MIB1: variants seen among roughly 807,000 people sequenced by gnomAD.
MIB1 encodes the protein E3 ubiquitin-protein ligase MIB1.
In MIB1, 278 loss-of-function variants were observed where a neutral mutation model predicts 124.5. The ratio of observed to expected loss-of-function variants is 2.23; its 90% CI spans 2.02 to 2.47. The LOEUF is 2.47. MIB1 is among the 30% of genes most tolerant of loss of function. MIB1 has a pLI of 0.00. For synonymous variants in MIB1, 446 were observed against 429.4 expected (o/e 1.04, Z -0.48); for missense variants, 957 against 1,254.4 (o/e 0.76, Z 3.58).
intron 12 of MIB1, 100 bp downstream of exon 12, chr18:21,819,746 A>G: frequency 1.2e-6 from 1 of 829,576 alleles, no homozygotes; most frequent in Non-Finnish European, 1.7e-6. Context: ...TGGCTATTTT[A>G]GTATTTTAAA....
intron 3 of MIB1, among the ~76,000 whole-genome samples, chr18:21,772,726 G>A (rs950520539): frequency 4.6e-5 from 7 of 152,030 alleles, no homozygotes; most frequent in Admixed American, 4.6e-4. Context: ...GACTAGTTGG[G>A]TGTGGGGCTT....
At chr18:21,751,278 T>TTTTA (rs2040972256) in intron 1 of MIB1, among the ~76,000 whole-genome samples, 1 of 152,094 alleles carries the variant, frequency 6.6e-6, no homozygotes, top group Admixed American at 6.5e-5. Flanking sequence ...ATTATTATTA[T>TTTTA]TTTATTTATT....
intron 1 of MIB1, among the ~76,000 whole-genome samples, chr18:21,753,160 G>A (rs1053744818): frequency 6.6e-6 from 1 of 152,004 alleles, no homozygotes; most frequent in Non-Finnish European, 1.5e-5. Context: ...TGATATTTTG[G>A]TATTTTGTTT....
At position 21,819,633 on chromosome 18, in the gene MIB1, A is replaced by AG; in HGVS notation, c.1820dup (p.Asn608LysfsTer11). 1 of 1,559,412 alleles carries AG rather than the reference A, an allele frequency of 6.4e-7. No individual in the cohort carries two copies. The highest frequency in any genetic ancestry group is 8.7e-7 in the Non-Finnish European group (1 of 1,152,498). Reference sequence around the variant, plus strand: ...TAATGCTCTGCATCATGCTGCACTAAGGGGAAATCCCAGGTATGTCACCCC... The same window carrying AG: ...TAATGCTCTGCATCATGCTGCACTAAGGGGGAAATCCCAGGTATGTCACCCC... On this transcript the variant is annotated frameshift_variant, in exon 12 of 21. Transcript: ENST00000261537. LOFTEE classifies it high-confidence loss of function.
chr18:21,751,927 T>C (rs981339209), intron 1 of MIB1, among the ~76,000 whole-genome samples: 12 of 152,254 alleles, frequency 7.9e-5, no homozygotes, highest in African/African-American at 2.7e-4. Context: ...TTTGATTAAC[T>C]TAATGTAATA....
intron 20 of MIB1, among the ~76,000 whole-genome samples, chr18:21,864,233 C>T (rs1220485337): frequency 6.6e-6 from 1 of 152,054 alleles, no homozygotes. Context: ...GCCTCAGCCT[C>T]TTGAGTAGCT....
At chr18:21,857,488 A>G (rs897020010) in intron 19 of MIB1, among the ~76,000 whole-genome samples, 2 of 152,220 alleles carry the variant, frequency 1.3e-5, no homozygotes, top group Non-Finnish European at 2.9e-5. Context: ...TGCTATAAAG[A>G]ATATTGTTGT....
chr18:21,704,972 C>G (rs1298821259), exon 1 of MIB1: 1 of 229,990 alleles, frequency 4.3e-6, no homozygotes, highest in African/African-American at 2.3e-5. Context: ...GTTCTCCCAG[C>G]TAGGTCGCAG....
chr18:21,809,803 A>G (rs759973227), intron 10 of MIB1, among the ~76,000 whole-genome samples: 9 of 152,126 alleles, frequency 5.9e-5, no homozygotes, highest in Non-Finnish European at 1.2e-4. Context: ...ATGATATTCA[A>G]TGGTGAAAGA....
At chr18:21,857,393 C>T (rs2042239064) in intron 19 of MIB1, 150 bp downstream of exon 19, 2 of 604,288 alleles carry the variant, frequency 3.3e-6, no homozygotes. Context: ...TTCTGGTGCT[C>T]TTATTATATT....
rs1313670528 is a variant in MIB1, at chr18:21,843,866, T to TA, written c.2050-225dup. Among the ~76,000 whole-genome samples, 210 of 152,352 alleles carry TA rather than the reference T, an allele frequency of 1.4e-3. 1 individual carries two copies. The highest frequency in any genetic ancestry group is 5.3e-4 in the Non-Finnish European group (36 of 68,038). On this transcript the variant is annotated intron_variant, in intron 14 of 20. Transcript: ENST00000261537. ...GAATTAAGCAACATATTGATTCTCA[T>TA]ATATTTTTATTTTCTCTAATTCAAT...
chr18:21,770,862 A>G (rs1028594856), intron 3 of MIB1, among the ~76,000 whole-genome samples: 8 of 152,164 alleles, frequency 5.3e-5, no homozygotes, highest in African/African-American at 1.9e-4. Flanking sequence ...ACCAGATTCT[A>G]TTTGGCCAAT....
In MIB1 at chr18:21,831,895, A is replaced by C. The variant is rs75809473; in HGVS notation, c.1830-6470A>C. The stretch of plus-strand genomic sequence containing the variant: ...CTCTGCTGCCAAAATACATTTTATA[A>C]CCTGATTTTTTGATTGATAAAAAAT... On this transcript the variant is annotated intron_variant, in intron 12 of 20. Coordinates refer to ENST00000261537, the MANE Select transcript of MIB1 (RefSeq NM_020774.4). Among the ~76,000 whole-genome samples the C allele has an allele frequency of 4.7e-3, 709 of 152,292 alleles. 3 individuals carry two copies. Among genetic ancestry groups the C allele is most frequent in the African/African-American group, 0.016 (662 of 41,562 alleles).
At chr18:21,749,880 G>A (rs904125812) in intron 1 of MIB1, among the ~76,000 whole-genome samples, 1 of 151,744 alleles carries the variant, frequency 6.6e-6, no homozygotes, top group African/African-American at 2.4e-5. Context: ...GACCTCAGGT[G>A]ATCCACCCAC....
chr18:21,836,519 G>A (rs1484161835), intron 12 of MIB1, among the ~76,000 whole-genome samples: 12 of 151,944 alleles, frequency 7.9e-5, no homozygotes, highest in Non-Finnish European at 1.6e-4. Context: ...CCAACAACTT[G>A]GAACTTATCC....
chr18:21,781,032 C>G (rs1171860390), intron 6 of MIB1, among the ~76,000 whole-genome samples: 1 of 152,074 alleles, frequency 6.6e-6, no homozygotes, highest in Non-Finnish European at 1.5e-5. Context: ...GTGTTCTTGT[C>G]AGCATCCGAA....
intron 6 of MIB1, among the ~76,000 whole-genome samples, chr18:21,788,897 A>G (rs953892624): frequency 6.6e-6 from 1 of 152,216 alleles, no homozygotes; most frequent in African/African-American, 2.4e-5. Flanking sequence ...TTAAGAATAA[A>G]TTTAACCAAG....
At position 21,844,256 on chromosome 18, in the gene MIB1, G is replaced by GA; in HGVS notation, c.2211+4dup. ...CCTGGGAGCCATCCAAAAACACGGTGAGTAAAGATCATCTTTCATTCAGTA... is the reference window on the plus strand; with the variant it reads ...CCTGGGAGCCATCCAAAAACACGGTGAAGTAAAGATCATCTTTCATTCAGTA... On this transcript the variant is annotated splice_donor_region_variant and intron_variant, in intron 15 of 20. Transcript: ENST00000261537. 1 of 1,613,756 alleles carries GA rather than the reference G, an allele frequency of 6.2e-7. No homozygotes were observed. Among genetic ancestry groups the GA allele is most frequent in the Non-Finnish European group, 8.5e-7 (1 of 1,179,812 alleles).
intron 16 of MIB1, among the ~76,000 whole-genome samples, chr18:21,847,600 T>C (rs1223918718): frequency 6.6e-6 from 1 of 152,194 alleles, no homozygotes; most frequent in Non-Finnish European, 1.5e-5. Context: ...TAGCTGGGAC[T>C]GTATGCATGT....
Sources: gnomAD v4.1 joint callset for allele counts (sites outside exome capture counted in the v4.1 genomes callset) on GRCh38, gnomAD v4.1.1 for gene constraint, MANE v1.5 for transcripts, NCBI Gene and HGNC (gene_info 2026-07-23, HGNC 2026-07-21) for gene names.